The following CCDC175 variants were observed in gnomAD, a reference collection of about 807,000 sequenced individuals.
CCDC175 encodes coiled-coil domain-containing protein 175.
A neutral mutation model predicts 114.6 loss-of-function variants in CCDC175; 100 were observed. That is an observed-to-expected ratio of 0.87 (90% CI 0.74 to 1.03). The LOEUF (loss-of-function observed/expected upper bound fraction) is 1.03. Ranked by LOEUF, CCDC175 falls within the 50% of genes least tolerant of loss-of-function variation. The probability of loss-of-function intolerance (pLI) is 0.00; values close to 1 mark genes in which losing one functional copy is unlikely to be tolerated. For synonymous variants in CCDC175, 306 were observed against 308.7 expected (o/e 0.99, Z 0.09); for missense variants, 880 against 917.8 (o/e 0.96, Z 0.53).
chr14:59,513,980 T>C (rs1208619269), intron 17 of CCDC175, among the ~76,000 whole-genome samples: 1 of 152,140 alleles, frequency 6.6e-6, no homozygotes, highest in Non-Finnish European at 1.5e-5. Flanking sequence ...TCCAGAGGCA[T>C]GATCAGGCAG....
rs1302569552 is a variant in CCDC175, at chr14:59,540,806, C to T, written c.1284-60G>A. On this transcript the variant is annotated intron_variant, in intron 10 of 19. Coordinates refer to ENST00000537690, the MANE Select transcript of CCDC175 (RefSeq NM_001164399.2). Reference sequence around the variant, plus strand: ...GGGAGCTGTTAGAATATACAATAGACTCTATACGCATAATTTGTATGCTCA... The same window carrying T: ...GGGAGCTGTTAGAATATACAATAGATTCTATACGCATAATTTGTATGCTCA... 7 of 1,326,036 alleles carry T rather than the reference C, an allele frequency of 5.3e-6. No individual in the cohort carries two copies. The African/African-American group carries it at 7.5e-5, about 14-fold the overall frequency. 82.1% of individuals were successfully genotyped at this position (1,326,036 alleles called of 1,614,324 possible). A position where few individuals can be genotyped will look rare whatever the true frequency, so the allele number is the denominator to read the frequency against.
chr14:59,558,534 G>A (rs1211686244), intron 7 of CCDC175, among the ~76,000 whole-genome samples: 1 of 152,182 alleles, frequency 6.6e-6, no homozygotes, highest in African/African-American at 2.4e-5. Context: ...GTTGAGTCAG[G>A]GTTGGGTAGT....
chr14:59,565,864 A>G (rs1223882673), intron 4 of CCDC175, among the ~76,000 whole-genome samples: 1 of 152,214 alleles, frequency 6.6e-6, no homozygotes, highest in Non-Finnish European at 1.5e-5. Context: ...GTTAAAGTAT[A>G]CAATGACTCA....
intron 8 of CCDC175, among the ~76,000 whole-genome samples, chr14:59,550,352 T>C (rs1201529151): frequency 6.6e-6 from 1 of 152,186 alleles, no homozygotes; most frequent in East Asian, 1.9e-4. Flanking sequence ...GAAGGCTTCA[T>C]TGAATATTTT....
At chr14:59,531,728 C>A in intron 14 of CCDC175, 44 bp downstream of exon 14, 1 of 1,373,428 alleles carries the variant, frequency 7.3e-7, no homozygotes, top group South Asian at 1.4e-5. Context: ...ACAGTGAAAT[C>A]CTTACCTGGG....
intron 3 of CCDC175, among the ~76,000 whole-genome samples, chr14:59,571,858 G>A (rs1312802157): frequency 6.6e-6 from 1 of 152,118 alleles, no homozygotes; most frequent in African/African-American, 2.4e-5. Flanking sequence ...GGATACAGGT[G>A]GAGTATCCCT....
At chr14:59,546,749 T>C (rs1392985250) in intron 8 of CCDC175, among the ~76,000 whole-genome samples, 7 of 152,034 alleles carry the variant, frequency 4.6e-5, no homozygotes, top group African/African-American at 1.4e-4. Context: ...GGCAGGAGGA[T>C]TGCTTGAGAC....
intron 11 of CCDC175, among the ~76,000 whole-genome samples, chr14:59,540,227 C>T (rs1273045561): frequency 6.6e-6 from 1 of 152,112 alleles, no homozygotes; most frequent in Non-Finnish European, 1.5e-5. Context: ...TACTGTTATC[C>T]TTCCCCACTT....
intron 10 of CCDC175, among the ~76,000 whole-genome samples, chr14:59,542,879 T>TTATA (rs1894872762): frequency 1.3e-5 from 2 of 152,100 alleles, no homozygotes; most frequent in African/African-American, 4.8e-5. Flanking sequence ...AAATATATAT[T>TTATA]TGAAAGCATA....
At chr14:59,576,480 A>G in intron 1 of CCDC175, 139 bp downstream of exon 1, 1 of 782,008 alleles carries the variant, frequency 1.3e-6, no homozygotes, top group Non-Finnish European at 1.8e-6. Context: ...CCAGCCTCCA[A>G]GGAGCGGGGA....
intron 7 of CCDC175, 35 bp downstream of exon 7, chr14:59,561,084 G>T: frequency 9.1e-7 from 1 of 1,097,618 alleles, no homozygotes; most frequent in Non-Finnish European, 1.3e-6. Flanking sequence ...AACATATCTC[G>T]AAACATTTAA....
chr14:59,535,476 T>C (rs1566610490), intron 13 of CCDC175, among the ~76,000 whole-genome samples: 1 of 152,208 alleles, frequency 6.6e-6, no homozygotes, highest in African/African-American at 2.4e-5. Flanking sequence ...GTTTTACCAG[T>C]AGGCATGATG....
At chr14:59,511,471 A>C (rs747315547) in intron 18 of CCDC175, among the ~76,000 whole-genome samples, 43 of 145,008 alleles carry the variant, frequency 3.0e-4, no homozygotes, top group Admixed American at 2.1e-3. Flanking sequence ...TGCAAAAAAC[A>C]GTCTTTCCCA....
intron 2 of CCDC175, among the ~76,000 whole-genome samples, chr14:59,574,619 A>G (rs1243354687): frequency 6.6e-6 from 1 of 152,228 alleles, no homozygotes; most frequent in Non-Finnish European, 1.5e-5. Context: ...ATGCTTATAT[A>G]TTGGTGTCCC....
intron 17 of CCDC175, among the ~76,000 whole-genome samples, chr14:59,515,756 A>C (rs1442055277): frequency 1.3e-5 from 2 of 152,178 alleles, no homozygotes; most frequent in Non-Finnish European, 2.9e-5. Context: ...TAGACAGATC[A>C]ATGAGACAGA....
chr14:59,545,242 T>C lies in CCDC175; in HGVS notation c.1093A>G (p.Lys365Glu). The C allele has an allele frequency of 6.5e-7, 1 of 1,537,036 alleles. No individual in the cohort carries two copies. The highest frequency in any genetic ancestry group is 8.7e-7 in the Non-Finnish European group (1 of 1,146,778). Residue 365 changes from lysine (K) to glutamate (E), a missense_variant, in exon 9 of 20, where the codon AAA (lysine) becomes GAA (glutamate). By Grantham distance (56) the Lys-to-Glu change is moderately conservative (BLOSUM62 1). Coordinates refer to ENST00000537690, the MANE Select transcript of CCDC175 (RefSeq NM_001164399.2). ...MEYKDLREKM[K>E]TLARQYKIVL... ...ATCTTATATTGTCTGGCAAGAGTTT[T>C]CATTTTCTCTCGTAGGTCTTTGTAT...
chr14:59,531,475 T>A (rs905544121), intron 14 of CCDC175, among the ~76,000 whole-genome samples: 6 of 152,170 alleles, frequency 3.9e-5, no homozygotes, highest in African/African-American at 1.4e-4. Context: ...AGCAAACAAA[T>A]GAGTTAGTTC....
At chr14:59,547,729 AAAC>A (rs1220535886) in intron 8 of CCDC175, among the ~76,000 whole-genome samples, 4 of 152,222 alleles carry the variant, frequency 2.6e-5, no homozygotes, top group Non-Finnish European at 5.9e-5. Context: ...GTGAAAGGTC[AAAC>A]AACAAAGCTT....
intron 19 of CCDC175, among the ~76,000 whole-genome samples, chr14:59,508,678 G>C (rs1892587323): frequency 6.6e-6 from 1 of 151,768 alleles, no homozygotes; most frequent in South Asian, 2.1e-4. Context: ...TGTGTATTAG[G>C]TGTGGCCTTT....
Sources: allele counts gnomAD v4.1 joint callset (sites outside exome capture counted in the v4.1 genomes callset), GRCh38; gene constraint gnomAD v4.1.1; transcripts MANE v1.5; gene names NCBI Gene and HGNC (gene_info 2026-07-23, HGNC 2026-07-21).